Variants in MYH1 observed in about 807,000 individuals in gnomAD.
The protein encoded by MYH1 is myosin-1.
A neutral mutation model predicts 225.6 loss-of-function variants in MYH1; 214 were observed. The observed-to-expected ratio is 0.95, with a 90% CI of 0.85 to 1.06. The LOEUF (loss-of-function observed/expected upper bound fraction) is 1.06, where lower values mean the gene tolerates loss of function less well. Ranked by LOEUF, MYH1 falls within the 50% of genes least tolerant of loss-of-function variation. MYH1 has a pLI of 0.00. For missense variants in MYH1, 2,098 were observed against 2,344.2 expected (o/e 0.89, Z 2.17); for synonymous variants, 774 against 842.3 (o/e 0.92, Z 1.40).
At position 10,498,615 on chromosome 17, in the gene MYH1, C is replaced by A; in HGVS notation, c.4181+11G>T. The A allele has an allele frequency of 6.2e-7, 1 of 1,613,908 alleles. No individual in the cohort carries two copies. Among genetic ancestry groups the A allele is most frequent in the Non-Finnish European group, 8.5e-7 (1 of 1,179,830 alleles). ...ACTTATAGTTCCATTTTAACTAAGTCTGGAACATACTTGGCCTCCTCCAGC... is the reference window on the plus strand; with the variant it reads ...ACTTATAGTTCCATTTTAACTAAGTATGGAACATACTTGGCCTCCTCCAGC... On this transcript the variant is annotated intron_variant, in intron 30 of 39. Transcript: ENST00000226207.
intron 28 of MYH1, among the ~76,000 whole-genome samples, chr17:10,499,332 G>A (rs1390929446): frequency 3.3e-5 from 5 of 152,066 alleles, no homozygotes; most frequent in South Asian, 2.1e-4. Flanking sequence ...AGATATTTAC[G>A]ATTATTTGAT....
intron 15 of MYH1, among the ~76,000 whole-genome samples, 194 bp from the exon 16 acceptor site, chr17:10,508,866 A>C (rs1011470882): frequency 1.5e-4 from 23 of 152,238 alleles, no homozygotes; most frequent in African/African-American, 5.3e-4. Context: ...CACGTGCTGT[A>C]TCAGGCTCTG....
In MYH1 at chr17:10,505,228, G is replaced by A. The variant is rs1324145035; in HGVS notation, c.2370C>T (p.Thr790=). Residue 790 remains threonine, a synonymous_variant, in exon 21 of 40, where the codon ACC becomes ACT. Coordinates refer to ENST00000226207, the MANE Select transcript of MYH1 (RefSeq NM_005963.4). The part of the protein sequence containing the change: ...MRDEKLAQLI[T]RTQAMCRGFL... Reference sequence around the variant, plus strand: ...ACCCTCTGCACATGGCCTGGGTTCGGGTAATCAGCTGGGCCAGCTTCTCAT... The same window carrying A: ...ACCCTCTGCACATGGCCTGGGTTCGAGTAATCAGCTGGGCCAGCTTCTCAT... The A allele has an allele frequency of 3.1e-6, 5 of 1,614,212 alleles. No homozygotes were observed. Among genetic ancestry groups the A allele is most frequent in the East Asian group, 2.2e-5 (1 of 44,886 alleles).
At chr17:10,495,760 C>CAAAAAAAAAACAAAAAAAAAAAAA in intron 35 of MYH1, among the ~76,000 whole-genome samples, 190 bp downstream of exon 35, 1 of 42,142 alleles carries the variant, frequency 2.4e-5, no homozygotes, top group Non-Finnish European at 4.4e-5. Flanking sequence ...GACTCCGTCT[C>CAAAAAAAAAACAAAAAAAAAAAAA]AAAAAAAAAA....
Position 10,505,412 on chromosome 17 carries a change from G to T in MYH1, c.2274C>A (p.Thr758=). ...CCTTGGTGTGACCAAATTTATACTG[G>T]GTGTGGTCAATGTCAATGGACCCCA... ...KLLGSIDIDH[T]QYKFGHTKVF... The change falls in exon 20 of 40, where the codon ACC becomes ACA. Residue 758 remains threonine, a synonymous_variant. Coordinates refer to ENST00000226207, the MANE Select transcript of MYH1 (RefSeq NM_005963.4). The T allele has an allele frequency of 1.2e-6, 2 of 1,614,158 alleles. No homozygotes were observed. The highest frequency in any genetic ancestry group is 1.1e-5 in the South Asian group (1 of 91,078).
Position 10,501,618 on chromosome 17 carries a change from C to A in MYH1, c.3324G>T (p.Leu1108=). Residue 1108 remains leucine (L), a synonymous_variant, in exon 26 of 40, where the codon CTG becomes CTT. Transcript: ENST00000226207. ...CTTGTAACTCCTTGATTTTCTTCTG[C>A]AGCTGCATACCAAGGGCTTGTTCAT... The part of the protein sequence containing the change: ...IEDEQALGMQ[L]QKKIKELQAR... 6.2e-7 allele frequency: 1 copy of A among 1,614,214 alleles called. No individual in the cohort carries two copies. The highest frequency in any genetic ancestry group is 8.5e-7 in the Non-Finnish European group (1 of 1,180,042).
In MYH1 at chr17:10,500,709, C is replaced by G. The variant is rs1415941889; in HGVS notation, c.3782G>C (p.Ser1261Thr). ...CTCCTCTTCCTTGGTCTTAATTTCA[C>G]TCAGTTGATCTTCTAGAGCGCGGCA... ...KMCRALEDQL[S>T]EIKTKEEEQQ... Residue 1261 changes from serine to threonine, a missense_variant, in exon 28 of 40, where the codon AGT becomes ACT. Ser to Thr is a moderately conservative substitution (Grantham distance 58). Coordinates refer to ENST00000226207, the MANE Select transcript of MYH1 (RefSeq NM_005963.4). 2 of 1,614,142 alleles carry G rather than the reference C, an allele frequency of 1.2e-6. No individual in the cohort carries two copies. Among genetic ancestry groups the G allele is most frequent in the Non-Finnish European group, 1.7e-6 (2 of 1,180,008 alleles).
In MYH1 at chr17:10,498,775, A is replaced by G; in HGVS notation, c.4032T>C (p.Cys1344=). The stretch of plus-strand genomic sequence containing the variant: ...CCTCATACTGTTCCCGCAGCAGGTC[A>G]CAGTCATGGCGGGAGGACTGCAGGG... The part of the protein sequence containing the change: ...AHALQSSRHD[C]DLLREQYEEE... Residue 1344 remains cysteine (C), a synonymous_variant, in exon 30 of 40, where the codon TGT becomes TGC. Coordinates refer to ENST00000226207, the MANE Select transcript of MYH1 (RefSeq NM_005963.4). The G allele has an allele frequency of 6.2e-7, 1 of 1,614,224 alleles. No individual in the cohort carries two copies. Among genetic ancestry groups the G allele is most frequent in the South Asian group, 1.1e-5 (1 of 91,082 alleles).
intron 9 of MYH1, among the ~76,000 whole-genome samples, 176 bp downstream of exon 9, chr17:10,513,450 A>G (rs1056332300): frequency 3.6e-4 from 55 of 152,186 alleles, no homozygotes; most frequent in African/African-American, 1.2e-3. Context: ...GCATTACCTC[A>G]TGACTGGAGT....
Position 10,496,048 on chromosome 17 carries a change from C to T in MYH1, c.5071G>A (p.Glu1691Lys), listed in dbSNP as rs983778319. 6.2e-7 allele frequency: 1 copy of T among 1,614,082 alleles called. No individual in the cohort carries two copies. Among genetic ancestry groups the T allele is most frequent in the Non-Finnish European group, 8.5e-7 (1 of 1,180,020 alleles). The change falls in exon 35 of 40, where the codon GAG becomes AAG. Residue 1691 changes from glutamate to lysine, a missense_variant. Glu to Lys is a moderately conservative substitution (Grantham distance 56). Coordinates refer to ENST00000226207, the MANE Select transcript of MYH1 (RefSeq NM_005963.4). ...RANLLQAEIE[E>K]LRATLEQTER... is the part of the protein sequence containing the mutation. ...GTCTGTTCCAGAGTGGCCCGCAGCT[C>T]CTCGATCTCAGCCTGCAGCAGGTTG...
At chr17:10,502,174 C>T (rs1597437824) in intron 24 of MYH1, among the ~76,000 whole-genome samples, 1 of 152,222 alleles carries the variant, frequency 6.6e-6, no homozygotes, top group African/African-American at 2.4e-5. Context: ...GAATCCAATA[C>T]TTTTCCAGCT....
intron 17 of MYH1, among the ~76,000 whole-genome samples, chr17:10,506,757 T>C (rs2073116459): frequency 6.6e-6 from 1 of 152,172 alleles, no homozygotes; most frequent in African/African-American, 2.4e-5. Flanking sequence ...CCTCCCAAAG[T>C]GCTGGGATTA....
chr17:10,501,102 G>T lies in MYH1; in HGVS notation c.3738+8C>A. On this transcript the variant is annotated splice_region_variant and intron_variant, in intron 27 of 39. Transcript: ENST00000226207. ...AACCAAATAATCAATGTGAAGTGTTGATTGTACCTTGGCTTTGGAGACAGT... is the reference window on the plus strand; with the variant it reads ...AACCAAATAATCAATGTGAAGTGTTTATTGTACCTTGGCTTTGGAGACAGT... 1 of 1,613,208 alleles carries T rather than the reference G, an allele frequency of 6.2e-7. No individual in the cohort carries two copies. The highest frequency in any genetic ancestry group is 8.5e-7 in the Non-Finnish European group (1 of 1,179,216).
At chr17:10,498,034 G>C (rs1487526787) in intron 30 of MYH1, 117 bp from the exon 31 acceptor site, 1 of 992,364 alleles carries the variant, frequency 1.0e-6, no homozygotes, top group Non-Finnish European at 1.4e-6. Flanking sequence ...TCTCAAGCTT[G>C]TTTTGTAGGT....
At chr17:10,514,955 T>G in intron 5 of MYH1, 60 bp from the exon 6 acceptor site, 2 of 1,489,608 alleles carry the variant, frequency 1.3e-6, no homozygotes, top group Non-Finnish European at 1.9e-6. Flanking sequence ...AAACTTTCTA[T>G]AGTGAAACAG....
rs760624683 is a variant in MYH1, at chr17:10,498,751, C to T, written c.4056G>A (p.Glu1352=). 1 of 1,614,210 alleles carries T rather than the reference C, an allele frequency of 6.2e-7. No individual in the cohort carries two copies. The highest frequency in any genetic ancestry group is 1.1e-5 in the South Asian group (1 of 91,084). ...GCTCGGCCTTGGCTTCCTGCTCCTC[C>T]TCATACTGTTCCCGCAGCAGGTCAC... ...HDCDLLREQY[E]EEQEAKAELQ... is the part of the protein sequence containing the mutation. Residue 1352 remains glutamate (E), a synonymous_variant, in exon 30 of 40, where the codon GAG becomes GAA. Transcript: ENST00000226207.
Position 10,512,955 on chromosome 17 carries a change from C to T in MYH1, c.816G>A (p.Glu272=). The change falls in exon 10 of 40, where the codon GAG becomes GAA. Residue 272 remains glutamate (E), a synonymous_variant. Coordinates refer to ENST00000226207, the MANE Select transcript of MYH1 (RefSeq NM_005963.4). The stretch of plus-strand genomic sequence containing the variant: ...TTAGCTGGAAAGTAACTCTAGACTT[C>T]TCCAGAAGATCTGCAACGGATAGTA... ...ASADIETYLL[E]KSRVTFQLKA... 1 of 1,611,110 alleles carries T rather than the reference C, an allele frequency of 6.2e-7. No homozygotes were observed. The highest frequency in any genetic ancestry group is 2.2e-5 in the East Asian group (1 of 44,848).
At chr17:10,494,866 T>A in intron 37 of MYH1, 65 bp downstream of exon 37, 1 of 1,613,708 alleles carries the variant, frequency 6.2e-7, no homozygotes, top group Non-Finnish European at 8.5e-7. Flanking sequence ...CTAGCAGTGC[T>A]AGGTATTCAG....
chr17:10,500,536 G>T, intron 28 of MYH1, 90 bp downstream of exon 28: 2 of 1,576,176 alleles, frequency 1.3e-6, no homozygotes, highest in South Asian at 2.3e-5. Context: ...GGTAGTATAT[G>T]ACCTCAAGTA....
Sources: allele counts gnomAD v4.1 joint callset (sites outside exome capture counted in the v4.1 genomes callset), GRCh38; gene constraint gnomAD v4.1.1; transcripts MANE v1.5; gene names NCBI Gene and HGNC (gene_info 2026-07-23, HGNC 2026-07-21).